Variants in CDH15 observed in about 807,000 individuals in gnomAD.
CDH15 encodes the protein cadherin 15, also known as cadherin-15.
A neutral mutation model predicts 69.4 loss-of-function variants in CDH15; 73 were observed. That is an observed-to-expected ratio of 1.05 (90% CI 0.87 to 1.28). CDH15 has a LOEUF of 1.28. Ranked by LOEUF, CDH15 falls within the 50% of genes most tolerant of loss-of-function variation. The pLI is 0.00. For synonymous variants in CDH15, 624 were observed against 507.7 expected (o/e 1.23, Z -3.08); for missense variants, 1,343 against 1,133.6 (o/e 1.18, Z -2.65).
At chr16:89,186,351 C>T (rs562981531) in intron 5 of CDH15, among the ~76,000 whole-genome samples, 7 of 138,982 alleles carry the variant, frequency 5.0e-5, no homozygotes, top group East Asian at 2.3e-4. Flanking sequence ...GCTCACCCAG[C>T]GCACAGAAGG....
At chr16:89,178,857 C>A (rs71395390) in intron 1 of CDH15, among the ~76,000 whole-genome samples, 19,681 of 152,190 alleles carry the variant, frequency 0.13, 1,396 homozygotes, top group African/African-American at 0.18. Context: ...CCCTGCCGCT[C>A]CCCCGGACCC....
At chr16:89,179,711 GC>G in intron 2 of CDH15, 137 bp downstream of exon 2, 1 of 890,930 alleles carries the variant, frequency 1.1e-6, no homozygotes, top group Non-Finnish European at 1.7e-6. Flanking sequence ...CGCCCACCTT[GC>G]CAGGGCTCTG....
At chr16:89,182,368 C>G (rs1196430910) in intron 3 of CDH15, among the ~76,000 whole-genome samples, 3 of 150,160 alleles carry the variant, frequency 2.0e-5, no homozygotes, top group Non-Finnish European at 4.4e-5. Context: ...GGGCTGGGCA[C>G]AACGGCTCAT....
Position 89,171,802 on chromosome 16 carries a change from C to T in CDH15, c.-30C>T. ...GACGCGCTTCTTCGGGTCGCGGGTG[C>T]ACTCCGGCCCGGCTCCCGCCTCGGC... On this transcript the variant is annotated 5_prime_UTR_variant, in exon 1 of 14. Coordinates refer to ENST00000289746, the MANE Select transcript of CDH15 (RefSeq NM_004933.3). The T allele has an allele frequency of 6.5e-7, 1 of 1,543,528 alleles. No individual in the cohort carries two copies. The highest frequency in any genetic ancestry group is 1.4e-5 in the African/African-American group (1 of 72,984).
chr16:89,191,890 C>T lies in CDH15; in HGVS notation c.1611C>T (p.Val537=), dbSNP rs763591656. ...ELGRNWSLSQ[V]NVSHARLRPR... ...GCCGGAACTGGAGCCTCAGCCAGGTCAACGGTGCGCTCCCCTCACCGCCGC... is the reference window on the plus strand; with the variant it reads ...GCCGGAACTGGAGCCTCAGCCAGGTTAACGGTGCGCTCCCCTCACCGCCGC... Residue 537 remains valine, a synonymous_variant, in exon 10 of 14, where the codon GTC becomes GTT. Transcript: ENST00000289746. 12 of 1,568,582 alleles carry T rather than the reference C, an allele frequency of 7.7e-6. No homozygotes were observed. In the African/African-American group the frequency reaches 1.6e-4, roughly 21 times the overall value.
chr16:89,194,195 G>C (rs889755714), intron 13 of CDH15, among the ~76,000 whole-genome samples: 41 of 152,338 alleles, frequency 2.7e-4, no homozygotes, highest in South Asian at 1.4e-3. Context: ...ACCATGGAGG[G>C]GGTGGGGGAG....
Position 89,192,449 on chromosome 16 carries a change from G to A in CDH15, c.1855+5G>A. The A allele has an allele frequency of 6.4e-7, 1 of 1,562,066 alleles. No homozygotes were observed. The highest frequency in any genetic ancestry group is 8.6e-7 in the Non-Finnish European group (1 of 1,161,654). ...CCAGCGCCCTCCTGCTGCTGGGTGA[G>A]TGAGCGCCCCGCCTCCACCTGGACC... On this transcript the variant is annotated splice_donor_5th_base_variant and intron_variant, in intron 11 of 13. Coordinates refer to ENST00000289746, the MANE Select transcript of CDH15 (RefSeq NM_004933.3).
At chr16:89,178,472 GAGA>G (rs1416504760) in intron 1 of CDH15, among the ~76,000 whole-genome samples, 3 of 152,166 alleles carry the variant, frequency 2.0e-5, no homozygotes, top group Admixed American at 6.5e-5. Flanking sequence ...CCTGTTCTGG[GAGA>G]AGAAGAGTGA....
At position 89,195,181 on chromosome 16, in the gene CDH15, C is replaced by G; in HGVS notation, c.*26C>G. On this transcript the variant is annotated 3_prime_UTR_variant, in exon 14 of 14. Transcript: ENST00000289746. ...CCCTGGGGCGCAACTGGACATGCCACTCCCCGGCCTCGTGGCAGTGATGGC... is the reference window on the plus strand; with the variant it reads ...CCCTGGGGCGCAACTGGACATGCCAGTCCCCGGCCTCGTGGCAGTGATGGC... 1.2e-5 allele frequency: 18 copies of G among 1,547,410 alleles called. No homozygotes were observed. The highest frequency in any genetic ancestry group is 1.6e-5 in the Non-Finnish European group (18 of 1,148,978).
At chr16:89,193,718 AG>A in intron 12 of CDH15, 36 bp from the exon 13 acceptor site, 1 of 1,594,598 alleles carries the variant, frequency 6.3e-7, no homozygotes, top group South Asian at 1.1e-5. Flanking sequence ...GGGCCACCCG[AG>A]GGATGCCTGG....
At chr16:89,181,384 G>A (rs1224190467) in intron 3 of CDH15, among the ~76,000 whole-genome samples, 1 of 152,200 alleles carries the variant, frequency 6.6e-6, no homozygotes, top group African/African-American at 2.4e-5. Context: ...GGCTGAGGCA[G>A]GAGGATCGCT....
intron 3 of CDH15, among the ~76,000 whole-genome samples, chr16:89,180,974 C>CTTTTTTTTTTTTTTTTTTTTTTTTTTTTT (rs770080908): frequency 3.1e-5 from 3 of 96,988 alleles, no homozygotes; most frequent in African/African-American, 1.3e-4. Flanking sequence ...CGCGCCCGAC[C>CTTTTTTTTTTTTTTTTTTTTTTTTTTTTT]TTTTTTTTTT....
At chr16:89,184,374 C>A (rs1462606885) in intron 4 of CDH15, among the ~76,000 whole-genome samples, 1 of 152,204 alleles carries the variant, frequency 6.6e-6, no homozygotes, top group African/African-American at 2.4e-5. Context: ...CTTCCCACCC[C>A]ACCTCGGTGG....
rs1004509912 is a variant in CDH15, at chr16:89,195,392, A to G, written c.*237A>G. 7.2e-6 allele frequency: 4 copies of G among 556,738 alleles called. No individual in the cohort carries two copies. Among genetic ancestry groups the G allele is most frequent in the African/African-American group, 5.6e-5 (3 of 53,350 alleles). 34.5% of individuals were successfully genotyped at this position (556,738 alleles called of 1,614,324 possible). Reference sequence around the variant, plus strand: ...TCGGCCCCATGCGGGTCACCTCCCTAGTCCCACCTTTGCCTCCTACCAGTG... The same window carrying G: ...TCGGCCCCATGCGGGTCACCTCCCTGGTCCCACCTTTGCCTCCTACCAGTG... On this transcript the variant is annotated 3_prime_UTR_variant, in exon 14 of 14. Coordinates refer to ENST00000289746, the MANE Select transcript of CDH15 (RefSeq NM_004933.3).
rs1023088667 is a variant in CDH15 at position 89,183,540 on chromosome 16, T to G, written c.358-8T>G. 6.2e-7 allele frequency: 1 copy of G among 1,613,968 alleles called. No homozygotes were observed. Among genetic ancestry groups the G allele is most frequent in the African/African-American group, 1.3e-5 (1 of 74,932 alleles). On this transcript the variant is annotated splice_polypyrimidine_tract_variant and splice_region_variant and intron_variant, in intron 3 of 13. Coordinates refer to ENST00000289746, the MANE Select transcript of CDH15 (RefSeq NM_004933.3). ...CACAGAGCCAGCCCTTGCTCTATGT[T>G]TGAACAGCTAAGAGCGTTTGCCCTG...
the CDH15 span, chr16:89,195,074 C>A: frequency 0.047 from 75,815 of 1,612,284 alleles, 2,776 homozygotes; most frequent in East Asian, 0.18. Context: ...GGTTGGAGTA[C>A]GGGGCCAGAT....
intron 5 of CDH15, among the ~76,000 whole-genome samples, chr16:89,186,581 A>G (rs562785900): frequency 2.6e-4 from 31 of 117,990 alleles, no homozygotes; most frequent in African/African-American, 9.8e-4. Flanking sequence ...CACCCAGCGC[A>G]CAGTAGGTGC....
chr16:89,187,294 A>G (rs930698750), intron 5 of CDH15, 135 bp from the exon 6 acceptor site: 2 of 974,536 alleles, frequency 2.1e-6, no homozygotes, highest in African/African-American at 3.2e-5. Context: ...TCTCAGGGCC[A>G]CTTGGGGTCT....
Position 89,190,232 on chromosome 16 carries a change from C to G in CDH15, c.979-11C>G. The G allele has an allele frequency of 1.2e-6, 2 of 1,611,060 alleles. No homozygotes were observed. The highest frequency in any genetic ancestry group is 1.7e-6 in the Non-Finnish European group (2 of 1,179,388). On this transcript the variant is annotated splice_polypyrimidine_tract_variant and intron_variant, in intron 7 of 13. Transcript: ENST00000289746. Reference sequence around the variant, plus strand: ...GTTGGGCGGATGACGGGCTGTGCTTCCTTCCCTCAGGCCCTGGACTATGAG... The same window carrying G: ...GTTGGGCGGATGACGGGCTGTGCTTGCTTCCCTCAGGCCCTGGACTATGAG...
Sources: gnomAD v4.1 joint callset for allele counts (sites outside exome capture counted in the v4.1 genomes callset) on GRCh38, gnomAD v4.1.1 for gene constraint, MANE v1.5 for transcripts, NCBI Gene and HGNC (gene_info 2026-07-23, HGNC 2026-07-21) for gene names.